The following TMTC1 variants were observed in gnomAD, a reference collection of about 807,000 sequenced individuals.
TMTC1 encodes the protein protein O-mannosyl-transferase TMTC1.
Under a neutral mutation model 104.8 loss-of-function variants are expected in TMTC1, and 73 were observed. The ratio of observed to expected loss-of-function variants is 0.70; its 90% CI spans 0.58 to 0.85. The LOEUF is 0.85. Among genes scored for constraint, TMTC1 ranks in the 40% least tolerant of loss-of-function variants. TMTC1 has a pLI of 0.00. For missense variants in TMTC1, 1,035 were observed against 1,096.1 expected, an observed-to-expected ratio of 0.94 and a Z score of 0.79; for synonymous variants, 434 against 428.7, an observed-to-expected ratio of 1.01 and a Z score of -0.15.
chr12:29,509,444 G>A (rs1943774209), intron 17 of TMTC1, among the ~76,000 whole-genome samples: 1 of 152,176 alleles, frequency 6.6e-6, no homozygotes, highest in Non-Finnish European at 1.5e-5. Flanking sequence ...CCTTGCTGGA[G>A]CTCTCAGGCC....
intron 1 of TMTC1, among the ~76,000 whole-genome samples, chr12:29,772,810 C>T (rs537395657): frequency 1.6e-4 from 24 of 152,042 alleles, no homozygotes; most frequent in East Asian, 1.2e-3. Flanking sequence ...AGTATTTAAC[C>T]AATTTTTTAA....
At chr12:29,562,712 C>G (rs944492640) in intron 9 of TMTC1, among the ~76,000 whole-genome samples, 9 of 152,132 alleles carry the variant, frequency 5.9e-5, no homozygotes, top group African/African-American at 2.2e-4. Flanking sequence ...AAAACGTAAG[C>G]TTAATAACAT....
At chr12:29,656,345 C>T (rs1939756671) in intron 5 of TMTC1, among the ~76,000 whole-genome samples, 3 of 146,946 alleles carry the variant, frequency 2.0e-5, no homozygotes, top group Non-Finnish European at 4.5e-5. Context: ...TATATACACA[C>T]ATACACATAT....
At chr12:29,611,839 G>T (rs565615849) in intron 6 of TMTC1, among the ~76,000 whole-genome samples, 1 of 152,270 alleles carries the variant, frequency 6.6e-6, no homozygotes, top group East Asian at 1.9e-4. Flanking sequence ...AACCCAGTAA[G>T]TTGCAAGTGG....
chr12:29,596,156 G>A (rs775131034), intron 7 of TMTC1, among the ~76,000 whole-genome samples: 10 of 151,972 alleles, frequency 6.6e-5, no homozygotes, highest in South Asian at 2.1e-4. Flanking sequence ...ACAGGCATGC[G>A]CCACCACGCC....
At chr12:29,642,333 T>A (rs1307438942) in intron 5 of TMTC1, among the ~76,000 whole-genome samples, 1 of 152,164 alleles carries the variant, frequency 6.6e-6, no homozygotes, top group Non-Finnish European at 1.5e-5. Context: ...TTAGGAGCTG[T>A]GAGACACAGA....
chr12:29,538,374 T>C (rs1446469339), intron 10 of TMTC1, among the ~76,000 whole-genome samples: 7 of 152,166 alleles, frequency 4.6e-5, no homozygotes, highest in Non-Finnish European at 1.0e-4. Context: ...TATTATCTTA[T>C]GGTCAGCAGA....
At chr12:29,542,741 C>T (rs985145028) in intron 10 of TMTC1, among the ~76,000 whole-genome samples, 34 of 152,056 alleles carry the variant, frequency 2.2e-4, no homozygotes, top group African/African-American at 8.2e-4. Flanking sequence ...TTCCCTGGGA[C>T]AATCTGACCA....
rs1163373320 is a variant in TMTC1 at position 29,644,105 on chromosome 12, A to G, written c.939-10769T>C. 4.8e-3 allele frequency among the ~76,000 whole-genome samples: 212 copies of G among 44,346 alleles called. 5 individuals are homozygous for G. The highest frequency in any genetic ancestry group is 0.029 in the Admixed American group (65 of 2,208). 29.1% of individuals were successfully genotyped at this position (44,346 alleles called of 152,430 possible). ...TATAAATATAAATATAAATATATAA[A>G]TATATATGTGTGTGTGTGTGTGTGT... On this transcript the variant is annotated intron_variant, in intron 5 of 17. Coordinates refer to ENST00000539277, the MANE Select transcript of TMTC1 (RefSeq NM_001193451.2).
At chr12:29,654,681 T>C (rs1431058994) in intron 5 of TMTC1, among the ~76,000 whole-genome samples, 5 of 147,098 alleles carry the variant, frequency 3.4e-5, no homozygotes, top group Non-Finnish European at 6.0e-5. Flanking sequence ...TTATTCGTAA[T>C]AGCCAAAAAG....
intron 7 of TMTC1, among the ~76,000 whole-genome samples, chr12:29,587,132 A>G (rs1476884885): frequency 6.6e-6 from 1 of 152,152 alleles, no homozygotes; most frequent in Non-Finnish European, 1.5e-5. Flanking sequence ...TGGTCTATTC[A>G]GAGATTCAAC....
chr12:29,572,556 CT>C (rs1357256563), intron 8 of TMTC1, among the ~76,000 whole-genome samples: 2 of 151,786 alleles, frequency 1.3e-5, no homozygotes, highest in African/African-American at 2.4e-5. Flanking sequence ...CTTCCTGAGG[CT>C]TTTTTTTGGG....
In TMTC1 at chr12:29,755,740, G is replaced by A. The variant is rs773248023; in HGVS notation, c.700C>T (p.Leu234Phe). 1.7e-5 allele frequency: 27 copies of A among 1,613,902 alleles called. No individual in the cohort carries two copies. The highest frequency in any genetic ancestry group is 2.2e-5 in the Non-Finnish European group (26 of 1,179,970). Residue 234 changes from leucine to phenylalanine, a missense_variant, in exon 4 of 18, where the codon CTC becomes TTC. Coordinates refer to ENST00000539277, the MANE Select transcript of TMTC1 (RefSeq NM_001193451.2). The stretch of plus-strand genomic sequence containing the variant: ...TCTTGCTTGTTGGAAAGGGAAAAGA[G>A]GTCATAAACCAAGCACACTCCAAAC... ...TVFGVCLVYD[L>F]FSLSNKQDKS...
At chr12:29,593,905 C>T (rs780372664) in intron 7 of TMTC1, among the ~76,000 whole-genome samples, 2 of 152,188 alleles carry the variant, frequency 1.3e-5, no homozygotes, top group African/African-American at 2.4e-5. Context: ...GCTTCATAAG[C>T]GTAGTTGAAC....
chr12:29,660,797 T>TAC (rs1398628373), intron 5 of TMTC1: 3 of 1,178,514 alleles, frequency 2.5e-6, no homozygotes, highest in Admixed American at 2.6e-5. Context: ...TATATATATA[T>TAC]ACTTACATAA....
At chr12:29,522,168 G>A (rs1433884130) in intron 11 of TMTC1, among the ~76,000 whole-genome samples, 1 of 152,160 alleles carries the variant, frequency 6.6e-6, no homozygotes, top group African/African-American at 2.4e-5. Flanking sequence ...AAGGAATGTA[G>A]AGCAACAATT....
chr12:29,623,160 G>T (rs1937764879), intron 6 of TMTC1, among the ~76,000 whole-genome samples: 1 of 152,180 alleles, frequency 6.6e-6, no homozygotes, highest in Admixed American at 6.5e-5. Context: ...AAAAAAGAAA[G>T]AATTTGTTTT....
chr12:29,754,514 T>C (rs530962558), intron 4 of TMTC1, among the ~76,000 whole-genome samples: 35 of 151,858 alleles, frequency 2.3e-4, no homozygotes, highest in Non-Finnish European at 4.6e-4. Flanking sequence ...CATTAGGAGG[T>C]TGAGACAAGG....
At chr12:29,666,228 CTTTTTTTTTT>C (rs751968439) in intron 5 of TMTC1, 3 of 366,310 alleles carry the variant, frequency 8.2e-6, no homozygotes, top group Non-Finnish European at 1.5e-5. Flanking sequence ...TTTCTTTTTT[CTTTTTTTTTT>C]TTTTTTGGAG....
Sources: allele counts gnomAD v4.1 joint callset (sites outside exome capture counted in the v4.1 genomes callset), GRCh38; gene constraint gnomAD v4.1.1; transcripts MANE v1.5; gene names NCBI Gene and HGNC (gene_info 2026-07-23, HGNC 2026-07-21).